Variants in PTPRD observed in about 807,000 individuals in gnomAD.
PTPRD encodes the protein receptor-type tyrosine-protein phosphatase delta.
In PTPRD, 34 loss-of-function variants were observed where a neutral mutation model predicts 214.5. The ratio of observed to expected loss-of-function variants is 0.16; its 90% confidence interval spans 0.12 to 0.21. The LOEUF (loss-of-function observed/expected upper bound fraction) is 0.21. Among genes scored for constraint, PTPRD ranks in the 10% least tolerant of loss-of-function variants. The pLI, the probability that PTPRD is intolerant of heterozygous loss-of-function variation, is 1.00. For missense variants in PTPRD, 2,545 were observed against 2,398.7 expected (o/e 1.06, Z -1.27); for synonymous variants, 1,128 against 845.7 (o/e 1.33, Z -5.79).
chr9:8,544,791 A>C (rs947982933), intron 14 of PTPRD, among the ~76,000 whole-genome samples: 1 of 151,986 alleles, frequency 6.6e-6, no homozygotes, highest in African/African-American at 2.4e-5. Flanking sequence ...TCAATGGTAA[A>C]ACAGCGGTTG....
chr9:9,154,951 G>A (rs1190625399), intron 10 of PTPRD, among the ~76,000 whole-genome samples: 5 of 152,098 alleles, frequency 3.3e-5, no homozygotes, highest in African/African-American at 1.2e-4. Context: ...CTTATTTTCT[G>A]TCTTGTGTGC....
chr9:10,467,374 T>A (rs1332252517), intron 2 of PTPRD, among the ~76,000 whole-genome samples: 1 of 152,174 alleles, frequency 6.6e-6, no homozygotes, highest in African/African-American at 2.4e-5. Context: ...ATCATATTAT[T>A]ACGAATATGA....
chr9:8,936,670 G>T (rs1306572670), intron 11 of PTPRD, among the ~76,000 whole-genome samples: 2 of 152,060 alleles, frequency 1.3e-5, no homozygotes, highest in Non-Finnish European at 2.9e-5. Context: ...AGCTTAGTTT[G>T]CCTGTGGTAA....
At chr9:8,688,921 T>A (rs1456902260) in intron 12 of PTPRD, among the ~76,000 whole-genome samples, 1 of 152,230 alleles carries the variant, frequency 6.6e-6, no homozygotes, top group African/African-American at 2.4e-5. Context: ...CCTGTATTCA[T>A]ATCATTAGTA....
chr9:8,822,062 T>C (rs891522845), intron 11 of PTPRD, among the ~76,000 whole-genome samples: 2 of 152,226 alleles, frequency 1.3e-5, no homozygotes, highest in African/African-American at 4.8e-5. Flanking sequence ...TGAAAGTCAC[T>C]GTGAAAGCAG....
At chr9:8,760,763 T>G (rs1482578103) in intron 11 of PTPRD, among the ~76,000 whole-genome samples, 1 of 152,094 alleles carries the variant, frequency 6.6e-6, no homozygotes, top group African/African-American at 2.4e-5. Context: ...GCCTTTCTAG[T>G]GATTATTCTA....
intron 4 of PTPRD, among the ~76,000 whole-genome samples, chr9:9,992,454 A>G (rs570793888): frequency 1.3e-5 from 2 of 152,176 alleles, no homozygotes; most frequent in Non-Finnish European, 2.9e-5. Context: ...TACTGGGCAT[A>G]TACTCAGAGG....
intron 12 of PTPRD, among the ~76,000 whole-genome samples, chr9:8,687,290 G>A (rs192502487): frequency 2.6e-4 from 40 of 152,258 alleles, no homozygotes; most frequent in African/African-American, 9.6e-4. Flanking sequence ...ATTTTTCTAT[G>A]TTAAAATTTG....
At chr9:8,571,907 G>C (rs1465600601) in intron 14 of PTPRD, among the ~76,000 whole-genome samples, 1 of 152,070 alleles carries the variant, frequency 6.6e-6, no homozygotes, top group African/African-American at 2.4e-5. Flanking sequence ...AGTTTCTAGT[G>C]ATGGTTTGGT....
At chr9:9,471,483 A>C (rs1232396587) in intron 8 of PTPRD, among the ~76,000 whole-genome samples, 1 of 152,166 alleles carries the variant, frequency 6.6e-6, no homozygotes, top group Non-Finnish European at 1.5e-5. Flanking sequence ...TACTCTTCTC[A>C]TTTCAAATAA....
At chr9:10,440,255 G>C (rs2098750072) in intron 2 of PTPRD, among the ~76,000 whole-genome samples, 1 of 151,542 alleles carries the variant, frequency 6.6e-6, no homozygotes, top group Admixed American at 6.6e-5. Context: ...TACTCAATAA[G>C]TTAAAACAAC....
intron 11 of PTPRD, among the ~76,000 whole-genome samples, chr9:8,973,728 C>T (rs541169011): frequency 6.6e-6 from 1 of 152,044 alleles, no homozygotes; most frequent in African/African-American, 2.4e-5. Context: ...CCAGCATTTG[C>T]TGTTTTTTGA....
At chr9:10,506,582 A>G (rs2046058557) in intron 2 of PTPRD, among the ~76,000 whole-genome samples, 1 of 152,138 alleles carries the variant, frequency 6.6e-6, no homozygotes, top group Non-Finnish European at 1.5e-5. Flanking sequence ...CTCATGTACC[A>G]TATAAATATA....
chr9:10,264,731 T>C (rs1286290870), intron 3 of PTPRD, among the ~76,000 whole-genome samples: 1 of 152,078 alleles, frequency 6.6e-6, no homozygotes, highest in Non-Finnish European at 1.5e-5. Context: ...CCATGATTAA[T>C]TTTGAAATCT....
chr9:10,178,608 G>C (rs1459678574), intron 3 of PTPRD, among the ~76,000 whole-genome samples: 1 of 151,986 alleles, frequency 6.6e-6, no homozygotes, highest in Non-Finnish European at 1.5e-5. Flanking sequence ...TAAGTTGGAA[G>C]ATCAAATTGC....
At chr9:9,733,124 G>A (rs1808708408) in intron 7 of PTPRD, among the ~76,000 whole-genome samples, 1 of 152,144 alleles carries the variant, frequency 6.6e-6, no homozygotes, top group Admixed American at 6.6e-5. Context: ...ATAAACAGAA[G>A]CTTGCCTTCA....
At chr9:9,486,447 G>A (rs1353546500) in intron 8 of PTPRD, among the ~76,000 whole-genome samples, 1 of 151,964 alleles carries the variant, frequency 6.6e-6, no homozygotes, top group Admixed American at 6.6e-5. Flanking sequence ...ATTATTTGAT[G>A]CTATGGAAAA....
At chr9:10,380,510 C>A (rs182933033) in intron 2 of PTPRD, among the ~76,000 whole-genome samples, 12 of 152,116 alleles carry the variant, frequency 7.9e-5, no homozygotes, top group Admixed American at 5.9e-4. Context: ...TATCATAGTA[C>A]CCTTCACTAA....
intron 9 of PTPRD, among the ~76,000 whole-genome samples, chr9:9,188,609 C>T (rs1313892703): frequency 6.6e-6 from 1 of 151,906 alleles, no homozygotes; most frequent in East Asian, 1.9e-4. Context: ...AGGGAAGACC[C>T]CTGACCTAGG....
Sources: gnomAD v4.1 joint callset for allele counts (sites outside exome capture counted in the v4.1 genomes callset) on GRCh38, gnomAD v4.1.1 for gene constraint, MANE v1.5 for transcripts, NCBI Gene and HGNC (gene_info 2026-07-23, HGNC 2026-07-21) for gene names.